DNAJB12: variants seen among roughly 807,000 people sequenced by gnomAD.
DNAJB12 encodes dnaJ homolog subfamily B member 12.
In DNAJB12, 14 loss-of-function variants were observed where a neutral mutation model predicts 40.6. The observed-to-expected ratio is 0.34, with a 90% CI of 0.23 to 0.54. The LOEUF is 0.54. Among genes scored for constraint, DNAJB12 ranks in the 20% least tolerant of loss-of-function variants. The pLI is 0.92. For missense variants in DNAJB12, 444 were observed against 501.7 expected (o/e 0.89, Z 1.10); for synonymous variants, 181 against 199.5 (o/e 0.91, Z 0.78).
At chr10:72,354,639 C>T (rs767415559) in intron 1 of DNAJB12, 126 bp downstream of exon 1, 9 of 887,380 alleles carry the variant, frequency 1.0e-5, no homozygotes, top group Non-Finnish European at 1.5e-5. Flanking sequence ...CCACCGCGCG[C>T]CTCAGTGCGC....
In DNAJB12 at chr10:72,333,212, G is replaced by T. The variant is rs561844884; in HGVS notation, c.*1436C>A. On this transcript the variant is annotated 3_prime_UTR_variant, in exon 9 of 9. Coordinates refer to ENST00000444643, the MANE Select transcript of DNAJB12 (RefSeq NM_017626.7). Reference sequence around the variant, plus strand: ...GGAGGGTGGTTATCACCTCCTGGCTGGCAGCTTGGGGAAGTAAGGCTTTGG... The same window carrying T: ...GGAGGGTGGTTATCACCTCCTGGCTTGCAGCTTGGGGAAGTAAGGCTTTGG... The T allele has an allele frequency of 5.3e-5, 8 of 152,296 alleles. No individual in the cohort carries two copies. Among genetic ancestry groups the T allele is most frequent in the Admixed American group, 3.3e-4 (5 of 15,302 alleles). 9.4% of individuals were successfully genotyped at this position (152,296 alleles called of 1,614,324 possible). A position where few individuals can be genotyped will look rare whatever the true frequency, so the allele number is the denominator to read the frequency against.
intron 1 of DNAJB12, chr10:72,354,140 GC>G: frequency 6.6e-6 from 1 of 152,348 alleles, no homozygotes; most frequent in Non-Finnish European, 1.5e-5. Context: ...CTCCCACCAG[GC>G]CACCCGCTCC....
intron 3 of DNAJB12, among the ~76,000 whole-genome samples, chr10:72,342,382 G>C (rs932452767): frequency 4.6e-5 from 7 of 152,194 alleles, no homozygotes; most frequent in Admixed American, 1.3e-4. Context: ...GCGCGGAATC[G>C]TCTCCTCCGC....
rs947380719 is a variant in DNAJB12 at position 72,334,192 on chromosome 10, C to T, written c.*456G>A. 1.5e-5 allele frequency: 4 copies of T among 268,966 alleles called. No homozygotes were observed. The highest frequency in any genetic ancestry group is 2.2e-5 in the Non-Finnish European group (3 of 138,928). 16.7% of individuals were successfully genotyped at this position (268,966 alleles called of 1,614,324 possible). A position where few individuals can be genotyped will look rare whatever the true frequency, so the allele number is the denominator to read the frequency against. On this transcript the variant is annotated 3_prime_UTR_variant, in exon 9 of 9. Coordinates refer to ENST00000444643, the MANE Select transcript of DNAJB12 (RefSeq NM_017626.7). ...TACATATACACGCATCTATAAATTA[C>T]ATTCTATGGAGAGTTCTCTTTCTTC...
chr10:72,336,122 C>A (rs1232647896), intron 7 of DNAJB12, among the ~76,000 whole-genome samples, 191 bp from the exon 8 acceptor site: 1 of 152,202 alleles, frequency 6.6e-6, no homozygotes, highest in Non-Finnish European at 1.5e-5. Flanking sequence ...GACAGAGGCG[C>A]CTTTCTCTAG....
chr10:72,348,537 C>T (rs1861856067), intron 1 of DNAJB12, among the ~76,000 whole-genome samples: 1 of 152,258 alleles, frequency 6.6e-6, no homozygotes, highest in South Asian at 2.1e-4. Flanking sequence ...GTGCCACACC[C>T]ACCAGTGCGA....
At chr10:72,338,336 C>A (rs916013786) in intron 5 of DNAJB12, 25 bp from the exon 6 acceptor site, 1 of 1,604,538 alleles carries the variant, frequency 6.2e-7, no homozygotes, top group African/African-American at 1.3e-5. Context: ...CAATGTCACT[C>A]TGCTGGACCT....
chr10:72,340,793 C>T lies in DNAJB12; in HGVS notation c.719G>A (p.Gly240Asp), dbSNP rs769344045. The T allele has an allele frequency of 6.4e-5, 104 of 1,613,890 alleles. No homozygotes were observed. The highest frequency in any genetic ancestry group is 8.4e-5 in the Non-Finnish European group (99 of 1,180,000). Residue 240 changes from glycine to aspartate, a missense_variant, in exon 5 of 9, where the codon GGT (glycine) becomes GAT (aspartate). Transcript: ENST00000444643. Reference protein sequence around the residue: ...QQRQDRRDNQGDGGLGVFVQL... With the variant: ...QQRQDRRDNQDDGGLGVFVQL... ...CCTGGCGCCCTCCTCACTCACATCACCCTGGTTGTCCCTGCGGTCCTGCCT... is the reference window on the plus strand; with the variant it reads ...CCTGGCGCCCTCCTCACTCACATCATCCTGGTTGTCCCTGCGGTCCTGCCT...
chr10:72,336,667 G>C lies in DNAJB12; in HGVS notation c.863C>G (p.Thr288Ser), dbSNP rs1251312427. ...PSVGHIHRRV[T>S]DHLGVVYYVG... ...ATAGTAGACGACACCCAGGTGGTCA[G>C]TGACTCGCCTGTGGATGTGGCCCAC... Residue 288 changes from threonine (T) to serine (S), a missense_variant, in exon 7 of 9, where the codon ACT (threonine) becomes AGT (serine). Physicochemically the swap from Thr to Ser is moderately conservative, Grantham distance 58 (BLOSUM62 1). Coordinates refer to ENST00000444643, the MANE Select transcript of DNAJB12 (RefSeq NM_017626.7). 6.2e-7 allele frequency: 1 copy of C among 1,614,012 alleles called. No homozygotes were observed.
chr10:72,343,548 C>T, intron 2 of DNAJB12, 37 bp from the exon 3 acceptor site: 2 of 1,611,280 alleles, frequency 1.2e-6, no homozygotes, highest in South Asian at 2.2e-5. Flanking sequence ...GGGTGCTCTA[C>T]ATGGGTCTGT....
chr10:72,338,139 T>A, intron 6 of DNAJB12, 63 bp downstream of exon 6: 1 of 1,420,260 alleles, frequency 7.0e-7, no homozygotes, highest in Non-Finnish European at 9.9e-7. Context: ...AGAAGGCCCC[T>A]GATGGGGCTG....
At chr10:72,334,937 A>C in intron 8 of DNAJB12, 1 of 1,204,916 alleles carries the variant, frequency 8.3e-7, no homozygotes. Flanking sequence ...ACCTCTGGCA[A>C]ACGCTGGGAA....
At chr10:72,352,412 C>T (rs900320772) in intron 1 of DNAJB12, among the ~76,000 whole-genome samples, 13 of 152,126 alleles carry the variant, frequency 8.5e-5, no homozygotes, top group Non-Finnish European at 1.6e-4. Context: ...AGTCTCACAC[C>T]GTCCTCCAAA....
At chr10:72,339,035 G>C (rs1056553492) in intron 5 of DNAJB12, among the ~76,000 whole-genome samples, 5 of 148,318 alleles carry the variant, frequency 3.4e-5, no homozygotes, top group African/African-American at 5.0e-5. Context: ...TGAGGCAGGA[G>C]GACCACTTGA....
intron 1 of DNAJB12, chr10:72,353,990 T>A (rs1219433557): frequency 1.3e-5 from 2 of 152,120 alleles, no homozygotes; most frequent in African/African-American, 4.8e-5. Flanking sequence ...AGGTGATGAG[T>A]TGTAAAGCCA....
intron 1 of DNAJB12, among the ~76,000 whole-genome samples, chr10:72,347,940 C>A (rs1478440166): frequency 1.3e-5 from 2 of 150,752 alleles, no homozygotes; most frequent in African/African-American, 2.4e-5. Flanking sequence ...AACAACCAAG[C>A]CCACCAGGCA....
intron 2 of DNAJB12, among the ~76,000 whole-genome samples, chr10:72,344,543 C>T (rs1480197234): frequency 6.6e-6 from 1 of 152,258 alleles, no homozygotes; most frequent in Non-Finnish European, 1.5e-5. Context: ...CTACCCCACA[C>T]AGGCTCTGAT....
chr10:72,354,760 C>G lies in DNAJB12; in HGVS notation c.133+5G>C. Reference sequence around the variant, plus strand: ...TCCCCAGTCTCTCCGGCACCTCACACTCACCGCGAACTCGCGGCGTCGGAT... The same window carrying G: ...TCCCCAGTCTCTCCGGCACCTCACAGTCACCGCGAACTCGCGGCGTCGGAT... On this transcript the variant is annotated splice_donor_5th_base_variant and intron_variant, in intron 1 of 8. Transcript: ENST00000444643. 6.2e-7 allele frequency: 1 copy of G among 1,610,560 alleles called. No homozygotes were observed. Among genetic ancestry groups the G allele is most frequent in the Non-Finnish European group, 8.5e-7 (1 of 1,178,580 alleles).
Position 72,335,453 on chromosome 10 carries a change from T to C in DNAJB12, c.*30+327A>G. On this transcript the variant is annotated intron_variant, in intron 8 of 8. Coordinates refer to ENST00000444643, the MANE Select transcript of DNAJB12 (RefSeq NM_017626.7). The surrounding 1 kb of genome is among the most constrained non-coding windows in gnomAD (Gnocchi z 4.4). ...CTGGAGAAAGGGCCGTGCTGACTGA[T>C]GGCTGGAGTGGACCAAGAAGCCCCG... The C allele has an allele frequency of 1.8e-6, 2 of 1,102,772 alleles. No homozygotes were observed. Among genetic ancestry groups the C allele is most frequent in the Non-Finnish European group, 2.2e-6 (2 of 897,966 alleles). The allele number at this position is 1,102,772 out of a possible 1,614,324, so 68.3% of individuals were successfully genotyped here.
Sources: gnomAD v4.1 joint callset for allele counts (sites outside exome capture counted in the v4.1 genomes callset) on GRCh38, gnomAD v4.1.1 for gene constraint, Gnocchi (gnomAD v3.1) non-coding constraint, MANE v1.5 for transcripts, NCBI Gene and HGNC (gene_info 2026-07-23, HGNC 2026-07-21) for gene names.